ZNF382: variants seen among roughly 807,000 people sequenced by gnomAD.
The protein encoded by ZNF382 is KRAB/zinc finger suppressor protein 1.
Under a neutral mutation model 38.8 loss-of-function variants are expected in ZNF382, and 20 were observed. That is an observed-to-expected ratio of 0.51 (90% CI 0.36 to 0.75). The LOEUF is 0.75. ZNF382 is among the 30% of genes least tolerant of loss of function. ZNF382 has a pLI of 0.00. For synonymous variants in ZNF382, 202 were observed against 223.1 expected (o/e 0.91, Z 0.84); for missense variants, 546 against 654.1 (o/e 0.83, Z 1.80).
rs1189785259 is a variant in ZNF382 at position 36,629,330 on chromosome 19, G to A, written c.*1780G>A. 1.3e-5 allele frequency: 2 copies of A among 151,996 alleles called. No individual in the cohort carries two copies. The highest frequency in any genetic ancestry group is 4.8e-5 in the African/African-American group (2 of 41,490). The allele number at this position is 151,996 out of a possible 1,614,324, so 9.4% of individuals were successfully genotyped here. On this transcript the variant is annotated 3_prime_UTR_variant, in exon 5 of 5. Coordinates refer to ENST00000292928, the MANE Select transcript of ZNF382 (RefSeq NM_032825.5). ...TAGGAAGTCTATGTGTAGGCCCCCT[G>A]GTCAACAGCTACAGCTGAGCTCCCA...
Position 36,626,728 on chromosome 19 carries a change from CT to C in ZNF382, c.832del (p.Cys278AlafsTer70). 6.2e-7 allele frequency: 1 copy of C among 1,614,134 alleles called. No individual in the cohort carries two copies. The highest frequency in any genetic ancestry group is 8.5e-7 in the Non-Finnish European group (1 of 1,180,024). On this transcript the variant is annotated frameshift_variant, in exon 5 of 5. Transcript: ENST00000292928. LOFTEE classifies it high-confidence loss of function. ...SAYNKYGKFL[C>X]RKPVFIMPQR... ...CCTACAACAAATATGGGAAATTCCT[CT>C]GCAGAAAGCCTGTTTTTATTATGCC... is the stretch of plus-strand genomic sequence containing the variant.
intron 4 of ZNF382, among the ~76,000 whole-genome samples, chr19:36,613,952 G>C (rs1332333764): frequency 1.3e-5 from 2 of 152,156 alleles, no homozygotes; most frequent in Admixed American, 1.3e-4. Flanking sequence ...CATAATTTAA[G>C]TCACATTGAC....
chr19:36,607,358 G>A (rs1371357925), intron 1 of ZNF382, among the ~76,000 whole-genome samples, 194 bp from the exon 2 acceptor site: 1 of 152,170 alleles, frequency 6.6e-6, no homozygotes. Flanking sequence ...CCAAGAGACT[G>A]GGTTTCTGGT....
rs182311091 is a variant in ZNF382, at chr19:36,613,684, C to A, written c.232+2942C>A. 6.3e-3 allele frequency among the ~76,000 whole-genome samples: 954 copies of A among 152,172 alleles called. 5 individuals are homozygous for A. The highest frequency in any genetic ancestry group is 0.01 in the Non-Finnish European group (702 of 67,990). Reference sequence around the variant, plus strand: ...TGAACTCCTGACCTCAGGTGATCCACCTGCCTCAGCCTCCCAAAGTGCTGG... The same window carrying A: ...TGAACTCCTGACCTCAGGTGATCCAACTGCCTCAGCCTCCCAAAGTGCTGG... On this transcript the variant is annotated intron_variant, in intron 4 of 4. Transcript: ENST00000292928.
At chr19:36,624,021 G>A (rs542251570) in intron 4 of ZNF382, among the ~76,000 whole-genome samples, 21 of 151,750 alleles carry the variant, frequency 1.4e-4, no homozygotes, top group Admixed American at 9.2e-4. Flanking sequence ...CCTGGGAGGC[G>A]GAGGTTGCAG....
intron 4 of ZNF382, among the ~76,000 whole-genome samples, chr19:36,619,441 A>G (rs190976589): frequency 2.0e-3 from 298 of 152,304 alleles, no homozygotes; most frequent in African/African-American, 6.9e-3. Flanking sequence ...TCCAGTTTGC[A>G]TCATTCTGAC....
At position 36,628,067 on chromosome 19, in the gene ZNF382, A is replaced by G. The variant is rs1324494691; in HGVS notation, c.*517A>G. On this transcript the variant is annotated 3_prime_UTR_variant, in exon 5 of 5. Transcript: ENST00000292928. Reference sequence around the variant, plus strand: ...TATAAACCTTTCTATAAATTGGATTATATATCATGTATTCTTTCATATACA... The same window carrying G: ...TATAAACCTTTCTATAAATTGGATTGTATATCATGTATTCTTTCATATACA... 1 of 154,580 alleles carries G rather than the reference A, an allele frequency of 6.5e-6. No homozygotes were observed. The highest frequency in any genetic ancestry group is 1.9e-4 in the East Asian group (1 of 5,228). The allele number at this position is 154,580 out of a possible 1,614,324, so 9.6% of individuals were successfully genotyped here.
In ZNF382 at chr19:36,625,089, AATATATATATATATATATAT is replaced by A. The variant is rs371760229; in HGVS notation, c.233-1021_233-1002del. 6.7e-3 allele frequency among the ~76,000 whole-genome samples: 290 copies of A among 42,994 alleles called. 8 individuals are homozygous for A. Among genetic ancestry groups the A allele is most frequent in the Non-Finnish European group, 0.011 (226 of 21,386 alleles). The allele number at this position is 42,994 out of a possible 152,430, so 28.2% of individuals were successfully genotyped here. On this transcript the variant is annotated intron_variant, in intron 4 of 4. Coordinates refer to ENST00000292928, the MANE Select transcript of ZNF382 (RefSeq NM_032825.5). ...TCTCAAAAAAATAAAAATGAATTTA[AATATATATATATATATATAT>A]ATATATATATATATATATAATGTAT...
chr19:36,610,251 T>C (rs562180493), intron 3 of ZNF382, among the ~76,000 whole-genome samples, 198 bp downstream of exon 3: 1 of 150,492 alleles, frequency 6.6e-6, no homozygotes, highest in South Asian at 2.1e-4. Flanking sequence ...AGGCCAGGAG[T>C]TCAAGACCAG....
chr19:36,624,105 G>T (rs928741199), intron 4 of ZNF382, among the ~76,000 whole-genome samples: 1 of 151,692 alleles, frequency 6.6e-6, no homozygotes, highest in Non-Finnish European at 1.5e-5. Context: ...AAAAAGGAAA[G>T]ACTATGTGAA....
intron 4 of ZNF382, among the ~76,000 whole-genome samples, chr19:36,621,331 T>G (rs1382790021): frequency 6.6e-6 from 1 of 150,630 alleles, no homozygotes; most frequent in African/African-American, 2.4e-5. Context: ...CTAGTTTTTT[T>G]TTTTTTTTTT....
rs896753142 is a variant in ZNF382 at position 36,627,378 on chromosome 19, G to A, written c.1481G>A (p.Cys494Tyr). The A allele has an allele frequency of 1.2e-6, 2 of 1,614,036 alleles. No homozygotes were observed. The highest frequency in any genetic ancestry group is 2.7e-5 in the African/African-American group (2 of 74,904). The stretch of plus-strand genomic sequence containing the variant: ...CATACAGGAGAAAAATCCAATGGGT[G>A]TCCTCAGTGTGGGAAAGCCTTCAGT... ...RIHTGEKSNG[C>Y]PQCGKAFSRK... The change falls in exon 5 of 5, where the codon TGT becomes TAT. Residue 494 changes from cysteine (C) to tyrosine (Y), a missense_variant. Transcript: ENST00000292928.
chr19:36,611,089 C>T (rs992275398), intron 4 of ZNF382, among the ~76,000 whole-genome samples: 1 of 151,980 alleles, frequency 6.6e-6, no homozygotes, highest in Non-Finnish European at 1.5e-5. Flanking sequence ...GAGATGGAGA[C>T]CATTTCTGGC....
intron 4 of ZNF382, among the ~76,000 whole-genome samples, chr19:36,612,544 T>G (rs2037086328): frequency 6.6e-6 from 1 of 152,228 alleles, no homozygotes; most frequent in Non-Finnish European, 1.5e-5. Flanking sequence ...GTTTGGTAGT[T>G]TAGTAGCTAA....
chr19:36,624,119 T>G (rs1403374645), intron 4 of ZNF382, among the ~76,000 whole-genome samples: 1 of 151,950 alleles, frequency 6.6e-6, no homozygotes, highest in African/African-American at 2.4e-5. Context: ...ATGTGAAAAC[T>G]TTATGAAAAA....
At chr19:36,619,945 A>G (rs969802861) in intron 4 of ZNF382, among the ~76,000 whole-genome samples, 1 of 151,944 alleles carries the variant, frequency 6.6e-6, no homozygotes, top group Admixed American at 6.6e-5. Context: ...GTTAGCCAGG[A>G]TGGTCTCTAT....
rs774933779 is a variant in ZNF382 at position 36,627,241 on chromosome 19, G to A, written c.1344G>A (p.Lys448=). 5.0e-6 allele frequency: 8 copies of A among 1,613,606 alleles called. No individual in the cohort carries two copies. The highest frequency in any genetic ancestry group is 6.8e-6 in the Non-Finnish European group (8 of 1,179,952). The part of the protein sequence containing the change: ...CNECGKSFCQ[K]TTLTLHQRIH... The stretch of plus-strand genomic sequence containing the variant: ...AATGTGGGAAGTCCTTCTGCCAAAA[G>A]ACAACCCTCACTCTCCACCAGAGAA... The change falls in exon 5 of 5, where the codon AAG becomes AAA. Residue 448 remains lysine, a synonymous_variant. Coordinates refer to ENST00000292928, the MANE Select transcript of ZNF382 (RefSeq NM_032825.5).
In ZNF382 at chr19:36,629,529, C is replaced by G. The variant is rs1568633899; in HGVS notation, c.*1979C>G. On this transcript the variant is annotated 3_prime_UTR_variant, in exon 5 of 5. Coordinates refer to ENST00000292928, the MANE Select transcript of ZNF382 (RefSeq NM_032825.5). The stretch of plus-strand genomic sequence containing the variant: ...ATTCCTGGCCAACAAAATCATCAGG[C>G]TTTTTAACTACAAACAGTTTTATTT... 5 of 152,100 alleles carry G rather than the reference C, an allele frequency of 3.3e-5. No homozygotes were observed. 9.4% of individuals were successfully genotyped at this position (152,100 alleles called of 1,614,324 possible).
intron 4 of ZNF382, among the ~76,000 whole-genome samples, chr19:36,615,349 GTAAAC>G (rs1465207861): frequency 6.6e-6 from 1 of 152,080 alleles, no homozygotes; most frequent in African/African-American, 2.4e-5. Flanking sequence ...TTTTAACAGA[GTAAAC>G]TAAGAAGTAG....
Sources: allele counts gnomAD v4.1 joint callset (sites outside exome capture counted in the v4.1 genomes callset), GRCh38; gene constraint gnomAD v4.1.1; transcripts MANE v1.5; gene names NCBI Gene and HGNC (gene_info 2026-07-23, HGNC 2026-07-21).